The following FAM161A variants were observed in gnomAD, a reference collection of about 807,000 sequenced individuals.
FAM161A encodes FAM161 centrosomal protein A, also known as protein FAM161A.
In FAM161A, 57 loss-of-function variants were observed where a neutral mutation model predicts 70.9. That is an observed-to-expected ratio of 0.80 (90% CI 0.65 to 1.00). FAM161A has a LOEUF of 1.00. Ranked by LOEUF, FAM161A falls within the 50% of genes least tolerant of loss-of-function variation. The pLI, the probability that FAM161A is intolerant of heterozygous loss-of-function variation, is 0.00. For synonymous variants in FAM161A, 299 were observed against 295.7 expected (o/e 1.01, Z -0.12); for missense variants, 880 against 836.0 (o/e 1.05, Z -0.65).
In FAM161A at chr2:61,838,585, T is replaced by G; in HGVS notation, c.1704A>C (p.Ser568=). 6.2e-7 allele frequency: 1 copy of G among 1,612,236 alleles called. No individual in the cohort carries two copies. Among genetic ancestry groups the G allele is most frequent in the Admixed American group, 1.7e-5 (1 of 59,972 alleles). The change falls in exon 4 of 7, where the codon TCA becomes TCC. Residue 568 remains serine, a synonymous_variant. Coordinates refer to ENST00000404929, the MANE Select transcript of FAM161A (RefSeq NM_001201543.2). Reference sequence around the variant, plus strand: ...TAGATATTTGAGCTAAACTTTGATGTGAGTCATAAGCCTTAGCCCGGGTTG... The same window carrying G: ...TAGATATTTGAGCTAAACTTTGATGGGAGTCATAAGCCTTAGCCCGGGTTG... ...LLTTRAKAYD[S]HQSLAQISKS...
intron 1 of FAM161A, among the ~76,000 whole-genome samples, chr2:61,846,043 C>T (rs34360862): frequency 0.049 from 6,476 of 131,806 alleles, 228 homozygotes; most frequent in Middle Eastern, 0.1. Context: ...AAGCTGAGAT[C>T]GAGCCATTGC....
At chr2:61,803,940 T>A in the FAM161A span, among the ~76,000 whole-genome samples, 1 of 152,146 alleles carries the variant, frequency 6.6e-6, no homozygotes, top group Non-Finnish European at 1.5e-5. Context: ...CAAGAAAGAA[T>A]TCAGGGCAAG....
At chr2:61,833,080 G>A (rs534423588) in intron 5 of FAM161A, among the ~76,000 whole-genome samples, 1 of 152,096 alleles carries the variant, frequency 6.6e-6, no homozygotes, top group African/African-American at 2.4e-5. Context: ...AAGGTGGGGG[G>A]AGGACCAAAC....
At chr2:61,816,055 G>A in the FAM161A span, among the ~76,000 whole-genome samples, 1 of 152,100 alleles carries the variant, frequency 6.6e-6, no homozygotes, top group Non-Finnish European at 1.5e-5. Context: ...GGCTTCCTAA[G>A]CTCAAGTCTT....
rs1452966847 is a variant in FAM161A at position 61,839,491 on chromosome 2, T to A, written c.1513A>T (p.Asn505Tyr). Residue 505 changes from asparagine to tyrosine, a missense_variant, in exon 3 of 7, where the codon AAC becomes TAC. Asn to Tyr is a moderately radical substitution (Grantham distance 143, BLOSUM62 -2). Transcript: ENST00000404929. Reference sequence around the variant, plus strand: ...GGGTTGCAGTTACAAGGCACAGGGTTTACACCTGCACATCTTACTGGTGAC... The same window carrying A: ...GGGTTGCAGTTACAAGGCACAGGGTATACACCTGCACATCTTACTGGTGAC... ...RKSPVRCAGV[N>Y]PVPCNCNPPV... is the part of the protein sequence containing the mutation. 6.2e-7 allele frequency: 1 copy of A among 1,614,196 alleles called. No homozygotes were observed. Among genetic ancestry groups the A allele is most frequent in the Non-Finnish European group, 8.5e-7 (1 of 1,180,036 alleles).
chr2:61,829,677 TAAGACATTAAA>T (rs1461885200), intron 5 of FAM161A, among the ~76,000 whole-genome samples: 1 of 152,114 alleles, frequency 6.6e-6, no homozygotes, highest in Non-Finnish European at 1.5e-5. Context: ...ATTAAATATA[TAAGACATTAAA>T]AAGACATTAG....
In FAM161A at chr2:61,840,469, G is replaced by GTAAC; in HGVS notation, c.531_534dup (p.Pro179ValfsTer10). 1 of 1,613,960 alleles carries GTAAC rather than the reference G, an allele frequency of 6.2e-7. No homozygotes were observed. Among genetic ancestry groups the GTAAC allele is most frequent in the Non-Finnish European group, 8.5e-7 (1 of 1,179,964 alleles). ...CTAGGATACTCTTTTTCTAGGTTGG[G>GTAAC]TAACTCCTCTTCAGAGGAGGACACA... On this transcript the variant is annotated frameshift_variant, in exon 3 of 7. Transcript: ENST00000404929. LOFTEE classifies it high-confidence loss of function.
At chr2:61,822,285 A>G (rs569749251), downstream of FAM161A, among the ~76,000 whole-genome samples, 2 of 151,996 alleles carry the variant, frequency 1.3e-5, no homozygotes, top group African/African-American at 4.8e-5. Flanking sequence ...TTAAATTTAA[A>G]TTAAAAATTT....
At chr2:61,820,556 A>G (rs1314907528), downstream of FAM161A, 2 of 739,990 alleles carry the variant, frequency 2.7e-6, no homozygotes, top group Non-Finnish European at 5.0e-6. Context: ...GAAGAACATC[A>G]CCTAAGAGAC....
At chr2:61,809,464 G>A in the FAM161A span, among the ~76,000 whole-genome samples, 1 of 152,100 alleles carries the variant, frequency 6.6e-6, no homozygotes, top group African/African-American at 2.4e-5. Context: ...CCAACTGCCA[G>A]TTCAAAGTCT....
At chr2:61,852,938 C>CTT (rs5831624) in intron 1 of FAM161A, among the ~76,000 whole-genome samples, 31 of 66,412 alleles carry the variant, frequency 4.7e-4, no homozygotes, top group Admixed American at 8.4e-4. Flanking sequence ...AGATTCCCAT[C>CTT]TTTTTTTTTT....
At chr2:61,815,155 T>G in the FAM161A span, among the ~76,000 whole-genome samples, 5 of 152,182 alleles carry the variant, frequency 3.3e-5, no homozygotes, top group Non-Finnish European at 7.3e-5. Context: ...CCACACAGCT[T>G]CCATACAATC....
the FAM161A span, among the ~76,000 whole-genome samples, chr2:61,812,061 C>T: frequency 3.3e-5 from 5 of 152,128 alleles, no homozygotes; most frequent in African/African-American, 4.8e-5. Flanking sequence ...CAGTCATCCA[C>T]AGAATACAGC....
chr2:61,813,547 C>CAAAA, the FAM161A span, among the ~76,000 whole-genome samples: 4 of 55,968 alleles, frequency 7.1e-5, no homozygotes, highest in African/African-American at 6.9e-5. Flanking sequence ...GACTCCACCT[C>CAAAA]AAAAAAAAAA....
chr2:61,813,578 A>G, the FAM161A span, among the ~76,000 whole-genome samples: 1 of 147,882 alleles, frequency 6.8e-6, no homozygotes, highest in African/African-American at 2.5e-5. Flanking sequence ...AAAGAGCCAG[A>G]TGTGGTGGCA....
chr2:61,837,662 T>C (rs12233143), intron 4 of FAM161A, among the ~76,000 whole-genome samples: 24,569 of 152,012 alleles, frequency 0.16, 2,130 homozygotes, highest in Middle Eastern at 0.21. Context: ...CCAGCTACTC[T>C]GTAAGCTGAG....
intron 5 of FAM161A, among the ~76,000 whole-genome samples, chr2:61,830,823 A>G (rs1672543039): frequency 6.6e-6 from 1 of 151,758 alleles, no homozygotes; most frequent in Non-Finnish European, 1.5e-5. Context: ...ATATAAAGAT[A>G]TTTCTGGCTG....
intron 2 of FAM161A, among the ~76,000 whole-genome samples, chr2:61,840,807 T>A (rs1672995874): frequency 6.6e-6 from 1 of 152,090 alleles, no homozygotes; most frequent in Non-Finnish European, 1.5e-5. Flanking sequence ...TGTGCCACCA[T>A]GCTCAGCTAA....
the FAM161A span, among the ~76,000 whole-genome samples, chr2:61,817,951 CT>C: frequency 3.9e-5 from 6 of 152,248 alleles, no homozygotes; most frequent in South Asian, 2.1e-4. Flanking sequence ...AAGCAAGACC[CT>C]GTCTGGAACA....
Sources: allele counts gnomAD v4.1 joint callset (sites outside exome capture counted in the v4.1 genomes callset), GRCh38; gene constraint gnomAD v4.1.1; transcripts MANE v1.5; gene names NCBI Gene and HGNC (gene_info 2026-07-23, HGNC 2026-07-21).